The following RNF150 variants were observed in gnomAD, a reference collection of about 807,000 sequenced individuals.
RNF150 encodes the protein ring finger protein 150.
A neutral mutation model predicts 39.3 loss-of-function variants in RNF150; 24 were observed. The ratio of observed to expected loss-of-function variants is 0.61; its 90% CI spans 0.44 to 0.86. RNF150 has a LOEUF of 0.86. RNF150 is among the 40% of genes least tolerant of loss of function. The pLI is 0.00. For synonymous variants in RNF150, 255 were observed against 227.3 expected (o/e 1.12, Z -1.10); for missense variants, 502 against 587.8 (o/e 0.85, Z 1.51).
chr4:140,881,088 C>T (rs921203011), intron 6 of RNF150, among the ~76,000 whole-genome samples: 2 of 150,884 alleles, frequency 1.3e-5, no homozygotes, highest in Non-Finnish European at 3.0e-5. Context: ...TTCTCTAGTT[C>T]CTTGAGGTAT....
intron 1 of RNF150, among the ~76,000 whole-genome samples, chr4:141,019,495 A>G (rs528069045): frequency 1.1e-4 from 17 of 152,272 alleles, no homozygotes; most frequent in Non-Finnish European, 2.1e-4. Flanking sequence ...AGAACCAGAC[A>G]TAGTGTTTGA....
chr4:141,047,136 G>C (rs1014823965), intron 1 of RNF150, among the ~76,000 whole-genome samples: 1 of 152,122 alleles, frequency 6.6e-6, no homozygotes, highest in Non-Finnish European at 1.5e-5. Context: ...GTATGTGTGA[G>C]AGATTGTGTG....
intron 4 of RNF150, among the ~76,000 whole-genome samples, chr4:140,930,057 A>T (rs576380062): frequency 6.6e-6 from 1 of 152,246 alleles, no homozygotes; most frequent in Admixed American, 6.5e-5. Context: ...GCTACTTGGG[A>T]GGCTGACATG....
At chr4:141,026,097 T>G (rs917154673) in intron 1 of RNF150, among the ~76,000 whole-genome samples, 1 of 152,162 alleles carries the variant, frequency 6.6e-6, no homozygotes, top group African/African-American at 2.4e-5. Flanking sequence ...GTCTTGATCT[T>G]AGACTCTCCA....
intron 6 of RNF150, among the ~76,000 whole-genome samples, chr4:140,878,278 C>G (rs1265648564): frequency 7.4e-6 from 1 of 135,210 alleles, no homozygotes; most frequent in Non-Finnish European, 1.6e-5. Context: ...TCAAGCAATT[C>G]TTGTGCCTCA....
At chr4:141,053,704 A>G in intron 1 of RNF150, 1 of 1,419,466 alleles carries the variant, frequency 7.0e-7, no homozygotes, top group Non-Finnish European at 9.2e-7. Context: ...AATCAGCTTC[A>G]GGGGCTGGGC....
rs376423232 is a variant in RNF150 at position 141,059,704 on chromosome 4, G to T, written c.484+72621C>A. Among the ~76,000 whole-genome samples, 48 of 152,072 alleles carry T rather than the reference G, an allele frequency of 3.2e-4. No homozygotes were observed. The East Asian group carries it at 8.3e-3, about 26-fold the overall frequency. ...TGAGACAATTTACCTGAAAATGTAT[G>T]ATTTAAAGAATCTATTTGAGGAATT... is the stretch of plus-strand genomic sequence containing the variant. On this transcript the variant is annotated intron_variant, in intron 1 of 6. Transcript: ENST00000515673.
intron 1 of RNF150, among the ~76,000 whole-genome samples, chr4:140,968,831 T>C (rs1733350845): frequency 6.6e-6 from 1 of 151,664 alleles, no homozygotes; most frequent in South Asian, 2.1e-4. Context: ...TCATACCAGA[T>C]TCAAATATTA....
chr4:140,973,333 G>A (rs538822781), intron 1 of RNF150, among the ~76,000 whole-genome samples: 1 of 152,062 alleles, frequency 6.6e-6, no homozygotes, highest in African/African-American at 2.4e-5. Context: ...ATGTCACCAT[G>A]TCTGTTTATG....
chr4:141,130,042 A>G (rs997700492), intron 1 of RNF150, among the ~76,000 whole-genome samples: 4 of 152,262 alleles, frequency 2.6e-5, no homozygotes, highest in Non-Finnish European at 5.9e-5. Flanking sequence ...AAATAAAAAT[A>G]TTTGATTAGC....
At chr4:140,910,702 CCAG>C (rs1285722277) in intron 6 of RNF150, among the ~76,000 whole-genome samples, 92 of 105,824 alleles carry the variant, frequency 8.7e-4, no homozygotes, top group African/African-American at 2.4e-3. Flanking sequence ...ACTCGGGGCT[CCAG>C]TGTGTGTGTG....
intron 1 of RNF150, among the ~76,000 whole-genome samples, chr4:141,009,421 A>G (rs1226654936): frequency 6.6e-6 from 1 of 151,796 alleles, no homozygotes; most frequent in Non-Finnish European, 1.5e-5. Context: ...AAACTATTTA[A>G]CCTCCCTATG....
chr4:141,083,200 T>C (rs964918325), intron 1 of RNF150, among the ~76,000 whole-genome samples: 5 of 152,224 alleles, frequency 3.3e-5, no homozygotes, highest in East Asian at 3.9e-4. Flanking sequence ...CCTCCAACCA[T>C]AGGGCGATTT....
At chr4:141,189,428 G>A (rs770931973) in intron 1 of RNF150, among the ~76,000 whole-genome samples, 2 of 152,188 alleles carry the variant, frequency 1.3e-5, no homozygotes, top group Non-Finnish European at 2.9e-5. Flanking sequence ...TGAGCACTGT[G>A]CCAGGAGATC....
chr4:141,211,498 T>C (rs1728464680), intron 1 of RNF150, among the ~76,000 whole-genome samples: 1 of 152,192 alleles, frequency 6.6e-6, no homozygotes, highest in Non-Finnish European at 1.5e-5. Context: ...TCTGATTCAA[T>C]TTATAATAAT....
At chr4:141,117,080 G>T (rs1418532319) in intron 1 of RNF150, among the ~76,000 whole-genome samples, 9 of 152,018 alleles carry the variant, frequency 5.9e-5, no homozygotes, top group African/African-American at 1.2e-4. Context: ...AACCACCATG[G>T]CACGTGTATA....
chr4:141,132,899 C>G lies in RNF150; in HGVS notation c.-91G>C. 5.6e-6 allele frequency: 6 copies of G among 1,072,780 alleles called. No homozygotes were observed. Among genetic ancestry groups the G allele is most frequent in the Non-Finnish European group, 8.2e-6 (6 of 728,272 alleles). The allele number at this position is 1,072,780 out of a possible 1,614,324, so 66.5% of individuals were successfully genotyped here. ...CCCGGCCAACCCCGGGCCGCTGCCT[C>G]TCCTCCTGCTGCTGCTCACTCCCGG... On this transcript the variant is annotated 5_prime_UTR_variant, in exon 1 of 7. Transcript: ENST00000515673. This position sits in a 1 kb window ranked among gnomAD's most constrained non-coding sequence, Gnocchi z 4.9.
At chr4:141,174,519 A>C (rs1035241823) in intron 1 of RNF150, among the ~76,000 whole-genome samples, 20 of 152,168 alleles carry the variant, frequency 1.3e-4, no homozygotes, top group African/African-American at 4.8e-4. Flanking sequence ...AATTGCAGCA[A>C]ATAGCAGAAC....
At chr4:140,911,964 A>G (rs1027453567) in intron 5 of RNF150, among the ~76,000 whole-genome samples, 3 of 152,248 alleles carry the variant, frequency 2.0e-5, no homozygotes, top group Admixed American at 6.5e-5. Flanking sequence ...TTGATCATAC[A>G]TTAGTCAAAT....
Sources: gnomAD v4.1 joint callset for allele counts (sites outside exome capture counted in the v4.1 genomes callset) on GRCh38, gnomAD v4.1.1 for gene constraint, Gnocchi (gnomAD v3.1) non-coding constraint, MANE v1.5 for transcripts, NCBI Gene and HGNC (gene_info 2026-07-23, HGNC 2026-07-21) for gene names.